The following SOX5 variants were observed in gnomAD, a reference collection of about 807,000 sequenced individuals.
SOX5 encodes the protein transcription factor SOX-5.
Under a neutral mutation model 92.0 loss-of-function variants are expected in SOX5, and 9 were observed. The ratio of observed to expected loss-of-function variants is 0.10; its 90% CI spans 0.06 to 0.17. SOX5 has a LOEUF of 0.17. Ranked by LOEUF, SOX5 falls within the 10% of genes least tolerant of loss-of-function variation. The pLI is 1.00. For missense variants in SOX5, 642 were observed against 944.5 expected (o/e 0.68, Z 4.20); for synonymous variants, 344 against 336.3 (o/e 1.02, Z -0.25).
In SOX5 at chr12:23,918,183, C is replaced by T. The variant is rs571732173; in HGVS notation, c.39-22159G>A. ...GAGAATATTATATGCATGTTTTATGCCTACTAACAATACAACTGTAATATT... is the reference window on the plus strand; with the variant it reads ...GAGAATATTATATGCATGTTTTATGTCTACTAACAATACAACTGTAATATT... On this transcript the variant is annotated intron_variant, in intron 1 of 14. Coordinates refer to ENST00000451604, the MANE Select transcript of SOX5 (RefSeq NM_006940.6). 5.9e-5 allele frequency among the ~76,000 whole-genome samples: 9 copies of T among 152,154 alleles called. No homozygotes were observed. In the South Asian group the frequency reaches 1.2e-3, roughly 21 times the overall value.
intron 4 of SOX5, among the ~76,000 whole-genome samples, chr12:24,029,747 G>T (rs924439162): frequency 4.6e-5 from 7 of 151,900 alleles, no homozygotes; most frequent in African/African-American, 1.7e-4. Flanking sequence ...CATGAAAGAA[G>T]AAGGAATTAG....
intron 8 of SOX5, among the ~76,000 whole-genome samples, chr12:23,617,988 A>T (rs1300414394): frequency 6.6e-6 from 1 of 152,108 alleles, no homozygotes; most frequent in African/African-American, 2.4e-5. Flanking sequence ...CATATGATGT[A>T]TGACCTATTC....
chr12:23,669,882 G>A (rs2084467269), intron 6 of SOX5, among the ~76,000 whole-genome samples: 1 of 152,042 alleles, frequency 6.6e-6, no homozygotes, highest in Non-Finnish European at 1.5e-5. Context: ...CCAGCAGATG[G>A]ACACTCCAGT....
At chr12:24,520,111 A>G (rs563721931) in intron 1 of SOX5, among the ~76,000 whole-genome samples, 2 of 152,196 alleles carry the variant, frequency 1.3e-5, no homozygotes, top group Admixed American at 1.3e-4. Flanking sequence ...AGCAGAGATA[A>G]AAAGACTTTC....
At chr12:23,670,322 A>T (rs1265730544) in intron 6 of SOX5, among the ~76,000 whole-genome samples, 1 of 152,182 alleles carries the variant, frequency 6.6e-6, no homozygotes, top group African/African-American at 2.4e-5. Context: ...CGAAAAGGAG[A>T]AAGCAAATGT....
chr12:24,167,019 T>C (rs150807201), intron 4 of SOX5, among the ~76,000 whole-genome samples: 1 of 152,316 alleles, frequency 6.6e-6, no homozygotes, highest in African/African-American at 2.4e-5. Flanking sequence ...TTGAAGGAAA[T>C]AATATATATG....
chr12:23,760,649 A>G (rs1411889371), intron 3 of SOX5, among the ~76,000 whole-genome samples: 1 of 152,024 alleles, frequency 6.6e-6, no homozygotes, highest in African/African-American at 2.4e-5. Flanking sequence ...TTACAACAGC[A>G]TCCTGCCTCT....
intron 3 of SOX5, among the ~76,000 whole-genome samples, chr12:23,820,082 T>C (rs1347368441): frequency 6.6e-6 from 1 of 152,198 alleles, no homozygotes; most frequent in East Asian, 1.9e-4. Context: ...CCACATCCTC[T>C]GCAGCATCTG....
At chr12:23,889,949 A>G (rs1478765735) in intron 2 of SOX5, among the ~76,000 whole-genome samples, 2 of 152,238 alleles carry the variant, frequency 1.3e-5, no homozygotes, top group African/African-American at 2.4e-5. Flanking sequence ...TATATGTTAA[A>G]AAATATACAC....
chr12:24,243,315 T>TTTG (rs1594737170), intron 3 of SOX5, among the ~76,000 whole-genome samples: 2 of 152,174 alleles, frequency 1.3e-5, no homozygotes, highest in East Asian at 3.8e-4. Flanking sequence ...TAAAGTTGCA[T>TTTG]TTGTTTCATA....
intron 1 of SOX5, among the ~76,000 whole-genome samples, chr12:24,413,652 A>G (rs1174216707): frequency 6.6e-6 from 1 of 152,238 alleles, no homozygotes; most frequent in Non-Finnish European, 1.5e-5. Context: ...ATTGGAATTT[A>G]ACCAGGACAC....
At chr12:23,658,321 T>C (rs368405413) in intron 7 of SOX5, among the ~76,000 whole-genome samples, 1 of 152,316 alleles carries the variant, frequency 6.6e-6, no homozygotes. Context: ...AAGTGGAAGA[T>C]GACTGTCACC....
At chr12:23,913,565 G>C (rs569136066) in intron 1 of SOX5, among the ~76,000 whole-genome samples, 2 of 151,618 alleles carry the variant, frequency 1.3e-5, no homozygotes, top group Non-Finnish European at 2.9e-5. Context: ...GTGAAACCCC[G>C]TCTCTACTAA....
intron 3 of SOX5, among the ~76,000 whole-genome samples, chr12:23,773,343 C>T (rs765631420): frequency 3.3e-5 from 5 of 152,214 alleles, no homozygotes; most frequent in African/African-American, 9.6e-5. Flanking sequence ...TATAAAACCT[C>T]TGTGCAGCCT....
intron 6 of SOX5, among the ~76,000 whole-genome samples, chr12:23,727,323 ATAACCTC>A (rs2093187342): frequency 6.6e-6 from 1 of 152,286 alleles, no homozygotes; most frequent in Admixed American, 6.5e-5. Context: ...CTATATAAAT[ATAACCTC>A]TCATGTTTGA....
chr12:24,056,751 G>A (rs1422762122), intron 4 of SOX5, among the ~76,000 whole-genome samples: 2 of 151,488 alleles, frequency 1.3e-5, no homozygotes, highest in South Asian at 2.1e-4. Context: ...CGAGGCGGGC[G>A]GATCACGAGG....
chr12:24,123,347 T>C (rs1388654655), intron 4 of SOX5, among the ~76,000 whole-genome samples: 2 of 152,252 alleles, frequency 1.3e-5, no homozygotes, highest in African/African-American at 2.4e-5. Flanking sequence ...TAGAGAGTTA[T>C]AGTTAGAAAA....
In SOX5 at chr12:24,214,484, T is replaced by G. The variant is rs554193720; in HGVS notation, c.-76-1067A>C. Among the ~76,000 whole-genome samples the G allele has an allele frequency of 2.6e-5, 4 of 152,236 alleles. No homozygotes were observed. The East Asian group carries it at 7.7e-4, about 29-fold the overall frequency. Reference sequence around the variant, plus strand: ...TTGTGATTGTGGAATATTTTTTATATGGGGAAGTTCATCAGCTATTGTCTG... The same window carrying G: ...TTGTGATTGTGGAATATTTTTTATAGGGGGAAGTTCATCAGCTATTGTCTG... On this transcript the variant is annotated intron_variant, in intron 3 of 4. Coordinates refer to the SOX5 transcript ENST00000446891.
At chr12:24,348,048 T>TA (rs1565955422) in intron 2 of SOX5, among the ~76,000 whole-genome samples, 1 of 9,322 alleles carries the variant, frequency 1.1e-4, no homozygotes, top group Non-Finnish European at 2.1e-4. Flanking sequence ...ATACAGCTAA[T>TA]CAAAAAAAAA....
Sources: gnomAD v4.1 joint callset for allele counts (sites outside exome capture counted in the v4.1 genomes callset) on GRCh38, gnomAD v4.1.1 for gene constraint, MANE v1.5 for transcripts, NCBI Gene and HGNC (gene_info 2026-07-23, HGNC 2026-07-21) for gene names.